Variants in TBXAS1 observed in about 807,000 individuals in gnomAD.
TBXAS1 encodes the protein thromboxane A synthase 1.
A neutral mutation model predicts 60.7 loss-of-function variants in TBXAS1; 48 were observed. The ratio of observed to expected loss-of-function variants is 0.79; its 90% CI spans 0.63 to 1.01. TBXAS1 has a LOEUF of 1.01. TBXAS1 is among the 50% of genes least tolerant of loss of function. The pLI, the probability that TBXAS1 is intolerant of heterozygous loss-of-function variation, is 0.00. For missense variants in TBXAS1, 685 were observed against 686.3 expected (o/e 1.00, Z 0.02); for synonymous variants, 287 against 269.7 (o/e 1.06, Z -0.63).
intron 4 of TBXAS1, among the ~76,000 whole-genome samples, chr7:139,811,911 G>A (rs2116402450): frequency 6.6e-6 from 1 of 152,312 alleles, no homozygotes; most frequent in Admixed American, 6.5e-5. Flanking sequence ...ACCCTTTCGA[G>A]CAATTGCATT....
chr7:139,994,874 G>C (rs577622202), intron 9 of TBXAS1, among the ~76,000 whole-genome samples: 6 of 152,320 alleles, frequency 3.9e-5, no homozygotes, highest in African/African-American at 1.4e-4. Context: ...GTGGTCTGCT[G>C]AAAATGCTGC....
chr7:139,927,160 A>AT (rs58381325), intron 4 of TBXAS1, among the ~76,000 whole-genome samples: 8,495 of 129,574 alleles, frequency 0.066, 535 homozygotes, highest in African/African-American at 0.17. Flanking sequence ...ACGCCCGGCT[A>AT]TTTTTTTTTT....
intron 4 of TBXAS1, among the ~76,000 whole-genome samples, chr7:139,800,282 TA>T (rs1353905590): frequency 6.6e-6 from 1 of 152,164 alleles, no homozygotes; most frequent in Admixed American, 6.5e-5. Context: ...ATCCTTATAG[TA>T]GCTTCCAAGG....
intron 6 of TBXAS1, 69 bp downstream of exon 6, chr7:139,953,525 T>C (rs987195837): frequency 1.4e-6 from 2 of 1,446,302 alleles, no homozygotes; most frequent in Non-Finnish European, 1.9e-6. Flanking sequence ...TGTCCATAAT[T>C]GCTGACAATT....
intron 5 of TBXAS1, among the ~76,000 whole-genome samples, chr7:139,944,320 G>A (rs909375204): frequency 6.6e-6 from 1 of 152,162 alleles, no homozygotes; most frequent in Non-Finnish European, 1.5e-5. Context: ...TCAGGGAATA[G>A]GGGAGTACAA....
intron 1 of TBXAS1, among the ~76,000 whole-genome samples, chr7:139,865,807 G>A (rs1350395233): frequency 9.5e-6 from 1 of 105,330 alleles, no homozygotes; most frequent in Non-Finnish European, 1.9e-5. Context: ...AAGGAAAGAA[G>A]GAAGGAAGGG....
At chr7:139,963,394 C>T (rs1810523185) in intron 9 of TBXAS1, among the ~76,000 whole-genome samples, 1 of 152,244 alleles carries the variant, frequency 6.6e-6, no homozygotes, top group Non-Finnish European at 1.5e-5. Flanking sequence ...CTCGTGTCAT[C>T]TGAGACTTAT....
At chr7:140,009,887 C>T (rs1814445876) in intron 10 of TBXAS1, among the ~76,000 whole-genome samples, 2 of 112,816 alleles carry the variant, frequency 1.8e-5, no homozygotes, top group Admixed American at 9.0e-5. Flanking sequence ...CCATGCCCGC[C>T]CCACACCTGC....
At chr7:139,986,742 TA>T (rs1812497525) in intron 9 of TBXAS1, among the ~76,000 whole-genome samples, 1 of 55,384 alleles carries the variant, frequency 1.8e-5, no homozygotes, top group Admixed American at 2.0e-4. Flanking sequence ...TATATATACA[TA>T]CATATATATA....
chr7:139,940,981 A>G (rs1423068512), intron 5 of TBXAS1, among the ~76,000 whole-genome samples: 1 of 9,476 alleles, frequency 1.1e-4, no homozygotes, highest in Non-Finnish European at 2.3e-4. Flanking sequence ...AGTCACCAAT[A>G]TATATACACA....
intron 3 of TBXAS1, chr7:139,905,953 T>C (rs886458953): frequency 8.9e-5 from 14 of 157,728 alleles, no homozygotes; most frequent in African/African-American, 3.4e-4. Flanking sequence ...TTTTTTACTT[T>C]TCTAAAAGTT....
chr7:139,916,046 G>A lies in TBXAS1; in HGVS notation c.333+4725G>A, dbSNP rs535184485. 1.6e-4 allele frequency among the ~76,000 whole-genome samples: 24 copies of A among 152,294 alleles called. No homozygotes were observed. The highest frequency in any genetic ancestry group is 5.3e-4 in the African/African-American group (22 of 41,554). On this transcript the variant is annotated intron_variant, in intron 4 of 12. Coordinates refer to ENST00000448866, the MANE Select transcript of TBXAS1 (RefSeq NM_001061.7). This position sits in a 1 kb window ranked among gnomAD's most constrained non-coding sequence, Gnocchi z 4.2. The stretch of plus-strand genomic sequence containing the variant: ...TCTTGGCACTTATAGAAGCTCAGTC[G>A]TCCTGGTACATCAGGACTCGGATGT...
At chr7:139,867,064 GGCAAAGCCCATGAGGGCAT>G (rs1316529767) in intron 1 of TBXAS1, among the ~76,000 whole-genome samples, 1 of 152,172 alleles carries the variant, frequency 6.6e-6, no homozygotes, top group African/African-American at 2.4e-5. Flanking sequence ...TGGAATTGCT[GGCAAAGCCCATGAGGGCAT>G]GCGTGTTGAA....
chr7:139,937,388 T>C (rs920419611), intron 5 of TBXAS1, among the ~76,000 whole-genome samples: 5 of 152,320 alleles, frequency 3.3e-5, no homozygotes, highest in East Asian at 1.9e-4. Flanking sequence ...ATGGTCCTGA[T>C]TGAATTCCTA....
At chr7:139,841,924 C>G (rs998169746) in intron 1 of TBXAS1, among the ~76,000 whole-genome samples, 1 of 152,092 alleles carries the variant, frequency 6.6e-6, no homozygotes, top group Admixed American at 6.5e-5. Context: ...AAGCCCTCAA[C>G]GCAACACATC....
At chr7:139,887,682 G>A (rs1441544843) in intron 3 of TBXAS1, among the ~76,000 whole-genome samples, 3 of 152,156 alleles carry the variant, frequency 2.0e-5, no homozygotes, top group South Asian at 2.1e-4. Context: ...TGTAGATGGC[G>A]GAGTGTGTTA....
chr7:139,856,271 C>G (rs1397487123), intron 1 of TBXAS1, among the ~76,000 whole-genome samples: 1 of 152,262 alleles, frequency 6.6e-6, no homozygotes, highest in South Asian at 2.1e-4. Context: ...TGGCAATGCT[C>G]CTGCTAATCT....
At chr7:139,788,968 A>G (rs1449518088) in intron 4 of TBXAS1, among the ~76,000 whole-genome samples, 1 of 152,160 alleles carries the variant, frequency 6.6e-6, no homozygotes, top group Non-Finnish European at 1.5e-5. Flanking sequence ...AGGGCTGGAA[A>G]TAAGGGCTAT....
At chr7:139,783,177 CTGAT>C (rs1235630566) in intron 3 of TBXAS1, among the ~76,000 whole-genome samples, 1 of 152,086 alleles carries the variant, frequency 6.6e-6, no homozygotes, top group Non-Finnish European at 1.5e-5. Flanking sequence ...TGAAGGGAAT[CTGAT>C]TGTGGAAATG....
Sources: gnomAD v4.1 joint callset for allele counts (sites outside exome capture counted in the v4.1 genomes callset) on GRCh38, gnomAD v4.1.1 for gene constraint, Gnocchi (gnomAD v3.1) non-coding constraint, MANE v1.5 for transcripts, NCBI Gene and HGNC (gene_info 2026-07-23, HGNC 2026-07-21) for gene names.